KCNA3: variants seen among roughly 807,000 people sequenced by gnomAD.
The protein encoded by KCNA3 is potassium voltage-gated channel subfamily A member 3.
A neutral mutation model predicts 34.3 loss-of-function variants in KCNA3; 18 were observed. That is an observed-to-expected ratio of 0.52 (90% confidence interval 0.36 to 0.78). KCNA3 has a LOEUF of 0.78. Ranked by LOEUF, KCNA3 falls within the 30% of genes least tolerant of loss-of-function variation. KCNA3 has a pLI of 0.00. For synonymous variants in KCNA3, 324 were observed against 351.7 expected (o/e 0.92, Z 0.88); for missense variants, 587 against 802.5 (o/e 0.73, Z 3.24).
rs1472598464 is a variant in KCNA3, at chr1:110,674,910, C to G, written c.-101G>C. ...CCCGAGCCGAGCCCACCGCCTGTTG[C>G]AGCCAAAGCCGCGATGCTCTGTCTG... On this transcript the variant is annotated 5_prime_UTR_variant, in exon 1 of 1. Coordinates refer to ENST00000369769, the MANE Select transcript of KCNA3 (RefSeq NM_002232.5). The surrounding 1 kb of genome is among the most constrained non-coding windows in gnomAD (Gnocchi z 6.4). 1 of 1,260,688 alleles carries G rather than the reference C, an allele frequency of 7.9e-7. No individual in the cohort carries two copies. Among genetic ancestry groups the G allele is most frequent in the Non-Finnish European group, 1.0e-6 (1 of 1,003,448 alleles). 78.1% of individuals were successfully genotyped at this position (1,260,688 alleles called of 1,614,324 possible). A position where few individuals can be genotyped will look rare whatever the true frequency, so the allele number is the denominator to read the frequency against.
chr1:110,666,939 C>T, the KCNA3 span, among the ~76,000 whole-genome samples: 3 of 152,066 alleles, frequency 2.0e-5, no homozygotes, highest in Non-Finnish European at 4.4e-5. Context: ...AATATTTATG[C>T]TGCACATACA....
Position 110,672,484 on chromosome 1 carries a change from T to C in KCNA3, c.*598A>G, listed in dbSNP as rs1162364708. On this transcript the variant is annotated 3_prime_UTR_variant, in exon 1 of 1. Transcript: ENST00000369769. ...AGGACATCTTGGGCATTTCCCTTTA[T>C]TCAAAGTTGTAGAGACACTTAAAAT... The C allele has an allele frequency of 6.5e-6, 1 of 152,770 alleles. No homozygotes were observed. Among genetic ancestry groups the C allele is most frequent in the Non-Finnish European group, 1.5e-5 (1 of 68,176 alleles). 9.5% of individuals were successfully genotyped at this position (152,770 alleles called of 1,614,324 possible).
At chr1:110,662,021 A>G in the KCNA3 span, among the ~76,000 whole-genome samples, 13 of 151,032 alleles carry the variant, frequency 8.6e-5, no homozygotes, top group South Asian at 1.3e-3. Flanking sequence ...GCTGAGGCAG[A>G]AGAATTGCGT....
At chr1:110,672,131 C>G (rs1392119033), downstream of KCNA3, among the ~76,000 whole-genome samples, 1 of 152,084 alleles carries the variant, frequency 6.6e-6, no homozygotes, top group Non-Finnish European at 1.5e-5. Context: ...GGAGGTGGGG[C>G]TAGAGAGCAA....
Position 110,674,723 on chromosome 1 carries a change from G to T in KCNA3, c.87C>A (p.Ser29Arg). 1 of 1,450,234 alleles carries T rather than the reference G, an allele frequency of 6.9e-7. No individual in the cohort carries two copies. The highest frequency in any genetic ancestry group is 9.0e-7 in the Non-Finnish European group (1 of 1,110,574). 89.8% of individuals were successfully genotyped at this position (1,450,234 alleles called of 1,614,324 possible). The change falls in exon 1 of 1, where the codon AGC becomes AGA. Residue 29 changes from serine (S) to arginine (R), a missense_variant. Ser to Arg is a moderately radical substitution (Grantham distance 110, BLOSUM62 -1). This residue lies in a region of KCNA3 where 341 missense variants were observed against 355.4 expected (regional missense o/e 0.96). Transcript: ENST00000369769. This position sits in a 1 kb window ranked among gnomAD's most constrained non-coding sequence, Gnocchi z 6.4. ...RAHPPQRPASSGGAHTLVNHG... is the reference protein window; with the variant it reads ...RAHPPQRPASRGGAHTLVNHG... ...GGTTCACCAGCGTGTGGGCACCGCC[G>T]CTGCTCGCTGGGCGCTGAGGAGGGT...
chr1:110,672,817 G>A lies in KCNA3; in HGVS notation c.*265C>T. 2.5e-6 allele frequency: 1 copy of A among 399,920 alleles called. No homozygotes were observed. Among genetic ancestry groups the A allele is most frequent in the East Asian group, 4.0e-5 (1 of 25,092 alleles). The allele number at this position is 399,920 out of a possible 1,614,324, so 24.8% of individuals were successfully genotyped here. On this transcript the variant is annotated 3_prime_UTR_variant, in exon 1 of 1. Coordinates refer to ENST00000369769, the MANE Select transcript of KCNA3 (RefSeq NM_002232.5). ...TTTAAATAGGGCGTGTACTAGAAAT[G>A]AAGTTTAACGTAAGTCTGTTGTTTA...
chr1:110,656,324 T>A, the KCNA3 span: 1 of 152,136 alleles, frequency 6.6e-6, no homozygotes, highest in Non-Finnish European at 1.5e-5. Context: ...ATTACTTTTT[T>A]TTTTACTTTT....
the KCNA3 span, among the ~76,000 whole-genome samples, chr1:110,661,529 A>T: frequency 6.6e-6 from 1 of 152,198 alleles, no homozygotes; most frequent in East Asian, 1.9e-4. Context: ...AACATGAATG[A>T]CCTAGCATCC....
chr1:110,671,303 T>C (rs1160409753), downstream of KCNA3, among the ~76,000 whole-genome samples: 5 of 152,228 alleles, frequency 3.3e-5, no homozygotes, highest in Non-Finnish European at 7.3e-5. Context: ...AAACGACAGT[T>C]AGCAACATGG....
the KCNA3 span, among the ~76,000 whole-genome samples, chr1:110,659,272 G>A: frequency 5.9e-5 from 9 of 151,524 alleles, no homozygotes; most frequent in Non-Finnish European, 8.8e-5. Context: ...TGGATGATTC[G>A]ATTTCATCAA....
At chr1:110,670,561 C>T (rs750137892), downstream of KCNA3, among the ~76,000 whole-genome samples, 17 of 152,054 alleles carry the variant, frequency 1.1e-4, no homozygotes, top group Non-Finnish European at 1.9e-4. Context: ...GTAATTGTTA[C>T]AATGTATCTA....
chr1:110,669,792 A>C (rs1651819917), downstream of KCNA3, among the ~76,000 whole-genome samples: 1 of 152,196 alleles, frequency 6.6e-6, no homozygotes, highest in African/African-American at 2.4e-5. Flanking sequence ...ACAAGTGTCC[A>C]GGACATGGTT....
At chr1:110,653,816 T>C in the KCNA3 span, 1 of 152,108 alleles carries the variant, frequency 6.6e-6, no homozygotes, top group Admixed American at 6.5e-5. Context: ...ACAGAAAAAA[T>C]AGAATGTTTG....
At chr1:110,657,595 C>T in the KCNA3 span, among the ~76,000 whole-genome samples, 1 of 152,084 alleles carries the variant, frequency 6.6e-6, no homozygotes, top group African/African-American at 2.4e-5. Flanking sequence ...ACAGTTTACT[C>T]ATCTGACACC....
the KCNA3 span, among the ~76,000 whole-genome samples, chr1:110,660,426 C>G: frequency 5.3e-5 from 8 of 151,656 alleles, no homozygotes; most frequent in Non-Finnish European, 1.0e-4. Flanking sequence ...ATTTTTTTTC[C>G]TGGCTGCCCA....
At chr1:110,656,896 T>C in the KCNA3 span, 3 of 152,190 alleles carry the variant, frequency 2.0e-5, no homozygotes, top group Non-Finnish European at 4.4e-5. Flanking sequence ...TTTGATCCCA[T>C]TATAGATCAG....
At chr1:110,672,445 T>G (rs1651923138), downstream of KCNA3, 1 of 150,932 alleles carries the variant, frequency 6.6e-6, no homozygotes, top group African/African-American at 2.4e-5. Context: ...AGAATTAAAC[T>G]AATTAGTCAG....
At chr1:110,667,831 G>A (rs1412142855), downstream of KCNA3, among the ~76,000 whole-genome samples, 4 of 152,114 alleles carry the variant, frequency 2.6e-5, no homozygotes, top group African/African-American at 7.2e-5. Flanking sequence ...TTTCTAACCA[G>A]TCTGAATCAT....
the KCNA3 span, among the ~76,000 whole-genome samples, chr1:110,657,396 C>A: frequency 6.6e-6 from 1 of 152,076 alleles, no homozygotes; most frequent in Non-Finnish European, 1.5e-5. Flanking sequence ...AATTTGGGGA[C>A]TGGTAAGGGC....
Sources: allele counts gnomAD v4.1 joint callset (sites outside exome capture counted in the v4.1 genomes callset), GRCh38; gene constraint gnomAD v4.1.1; regional missense constraint gnomAD v4.1.1; non-coding constraint Gnocchi (gnomAD v3.1); transcripts MANE v1.5; gene names NCBI Gene and HGNC (gene_info 2026-07-23, HGNC 2026-07-21).